OLA1: variants seen among roughly 807,000 people sequenced by gnomAD.
The protein encoded by OLA1 is Obg like ATPase 1, also known as obg-like ATPase 1.
A neutral mutation model predicts 48.4 loss-of-function variants in OLA1; 14 were observed. That is an observed-to-expected ratio of 0.29 (90% CI 0.19 to 0.45). The LOEUF is 0.45. OLA1 is among the 20% of genes least tolerant of loss of function. OLA1 has a pLI of 1.00. For missense variants in OLA1, 325 were observed against 467.1 expected (o/e 0.70, Z 2.80); for synonymous variants, 127 against 150.4 (o/e 0.84, Z 1.14).
intron 5 of OLA1, among the ~76,000 whole-genome samples, chr2:174,126,629 T>C (rs1686051057): frequency 6.6e-6 from 1 of 152,194 alleles, no homozygotes; most frequent in Non-Finnish European, 1.5e-5. Flanking sequence ...TGTGACCTAC[T>C]TCATTGATAA....
intron 4 of OLA1, among the ~76,000 whole-genome samples, chr2:174,199,901 A>G (rs375616119): frequency 3.3e-5 from 5 of 152,158 alleles, no homozygotes; most frequent in African/African-American, 1.2e-4. Context: ...GGTTTTCTTT[A>G]TATACCTCAG....
intron 4 of OLA1, among the ~76,000 whole-genome samples, chr2:174,202,404 A>G (rs1329238427): frequency 6.6e-6 from 1 of 152,238 alleles, no homozygotes; most frequent in Non-Finnish European, 1.5e-5. Flanking sequence ...ACTGTGAGAC[A>G]TTAATCATCT....
intron 4 of OLA1, among the ~76,000 whole-genome samples, chr2:174,222,692 A>G (rs1688534875): frequency 6.6e-6 from 1 of 152,238 alleles, no homozygotes; most frequent in Non-Finnish European, 1.5e-5. Context: ...CTTAACACAC[A>G]GAAAAGCAAT....
At chr2:174,225,453 G>A (rs557627888) in intron 3 of OLA1, among the ~76,000 whole-genome samples, 1 of 152,268 alleles carries the variant, frequency 6.6e-6, no homozygotes, top group Admixed American at 6.5e-5. Context: ...AGGAGGCTGG[G>A]GCAGGAAATC....
intron 7 of OLA1, among the ~76,000 whole-genome samples, chr2:174,104,194 G>A (rs1685461786): frequency 6.6e-6 from 1 of 150,752 alleles, no homozygotes; most frequent in African/African-American, 2.4e-5. Flanking sequence ...TTAATTACCC[G>A]AAGGACAAGA....
At chr2:174,107,926 G>GA (rs1685551725) in intron 7 of OLA1, among the ~76,000 whole-genome samples, 1 of 152,032 alleles carries the variant, frequency 6.6e-6, no homozygotes, top group Non-Finnish European at 1.5e-5. Flanking sequence ...TTTAAAGAAA[G>GA]ATAGAGGGGC....
intron 4 of OLA1, among the ~76,000 whole-genome samples, chr2:174,219,006 T>TTTTTTTTTTTTTG (rs57416373): frequency 2.2e-5 from 3 of 135,814 alleles, no homozygotes; most frequent in East Asian, 5.1e-4. Flanking sequence ...TTTTTTTTTT[T>TTTTTTTTTTTTTG]GTAGCAATGT....
chr2:174,238,787 G>A (rs1305035106), intron 2 of OLA1, among the ~76,000 whole-genome samples: 3 of 152,042 alleles, frequency 2.0e-5, no homozygotes, highest in African/African-American at 4.8e-5. Context: ...AGCAGACAGA[G>A]TACAAATAAC....
intron 7 of OLA1, 149 bp downstream of exon 7, chr2:174,123,031 C>T (rs917029120): frequency 5.7e-6 from 3 of 527,136 alleles, no homozygotes; most frequent in Non-Finnish European, 1.0e-5. Flanking sequence ...AGGTAAATAC[C>T]AAGCACAGCT....
chr2:174,144,930 TAAAAAAAAAAAAAAA>T (rs71021671), intron 4 of OLA1, among the ~76,000 whole-genome samples: 3 of 41,116 alleles, frequency 7.3e-5, no homozygotes, highest in East Asian at 5.5e-3. Flanking sequence ...AGACCCTGTT[TAAAAAAAAAAAAAAA>T]AAAAAAATAT....
chr2:174,178,391 GA>G (rs1687464995), intron 4 of OLA1, among the ~76,000 whole-genome samples: 1 of 151,794 alleles, frequency 6.6e-6, no homozygotes. Flanking sequence ...GGTAAAACAA[GA>G]CAATTTTAGT....
At chr2:174,099,602 T>C (rs1685344341) in intron 7 of OLA1, among the ~76,000 whole-genome samples, 1 of 152,194 alleles carries the variant, frequency 6.6e-6, no homozygotes, top group African/African-American at 2.4e-5. Flanking sequence ...CATTTATTCC[T>C]TTGCTACTAT....
intron 2 of OLA1, among the ~76,000 whole-genome samples, chr2:174,230,165 C>T (rs1688695451): frequency 6.6e-6 from 1 of 151,804 alleles, no homozygotes; most frequent in Non-Finnish European, 1.5e-5. Context: ...TGTGATAACA[C>T]TTTATCATTC....
intron 2 of OLA1, among the ~76,000 whole-genome samples, chr2:174,243,385 T>C (rs1402961657): frequency 3.3e-5 from 5 of 152,180 alleles, no homozygotes; most frequent in Admixed American, 3.3e-4. Flanking sequence ...GCCATGATCA[T>C]GCCACCGCAC....
At chr2:174,191,340 C>T (rs1200737391) in intron 4 of OLA1, among the ~76,000 whole-genome samples, 1 of 152,162 alleles carries the variant, frequency 6.6e-6, no homozygotes, top group African/African-American at 2.4e-5. Context: ...AACACTTTCT[C>T]CTTTATTTCA....
At chr2:174,247,844 C>A (rs904186241) in intron 1 of OLA1, 2 of 1,509,812 alleles carry the variant, frequency 1.3e-6, no homozygotes, top group South Asian at 1.2e-5. Context: ...CTTACTAGTT[C>A]TGTCTCCAAA....
chr2:174,094,544 GT>G (rs1207440846), intron 7 of OLA1, among the ~76,000 whole-genome samples: 1 of 152,182 alleles, frequency 6.6e-6, no homozygotes, highest in Non-Finnish European at 1.5e-5. Context: ...TATAACTACA[GT>G]ACTCAAGACT....
chr2:174,149,403 T>C lies in OLA1; in HGVS notation c.374-7403A>G, dbSNP rs148412302. Among the ~76,000 whole-genome samples, 703 of 152,308 alleles carry C rather than the reference T, an allele frequency of 4.6e-3. 8 individuals are homozygous for C. The Middle Eastern group carries it at 0.058, about 13-fold the overall frequency. On this transcript the variant is annotated intron_variant, in intron 4 of 10. Transcript: ENST00000284719. ...TCTTAGCTCTCTTCTCTTACCCCTC[T>C]ATTACACTTTCACTAACAGAATCTC... is the stretch of plus-strand genomic sequence containing the variant.
At chr2:174,245,999 G>A (rs994076051) in intron 2 of OLA1, among the ~76,000 whole-genome samples, 2 of 151,806 alleles carry the variant, frequency 1.3e-5, no homozygotes, top group Admixed American at 1.3e-4. Flanking sequence ...TCAATTCACT[G>A]TAACTTTGAA....
Sources: allele counts gnomAD v4.1 joint callset (sites outside exome capture counted in the v4.1 genomes callset), GRCh38; gene constraint gnomAD v4.1.1; transcripts MANE v1.5; gene names NCBI Gene and HGNC (gene_info 2026-07-23, HGNC 2026-07-21).